THSD4: variants seen among roughly 807,000 people sequenced by gnomAD.
The protein encoded by THSD4 is thrombospondin type 1 domain containing 4.
In THSD4, 69 loss-of-function variants were observed where a neutral mutation model predicts 119.0. That is an observed-to-expected ratio of 0.58 (90% CI 0.48 to 0.71). The LOEUF is 0.71. Among genes scored for constraint, THSD4 ranks in the 30% least tolerant of loss-of-function variants. The pLI is 0.00. For missense variants in THSD4, 1,393 were observed against 1,391.1 expected (o/e 1.00, Z -0.02); for synonymous variants, 524 against 540.4 (o/e 0.97, Z 0.42).
At chr15:71,140,666 C>T (rs1463383455) in intron 1 of THSD4, among the ~76,000 whole-genome samples, 1 of 152,178 alleles carries the variant, frequency 6.6e-6, no homozygotes, top group African/African-American at 2.4e-5. Flanking sequence ...TAACAACCTG[C>T]AGGAGTTCTT....
chr15:71,600,504 C>G (rs2049986063), intron 7 of THSD4, among the ~76,000 whole-genome samples: 1 of 152,174 alleles, frequency 6.6e-6, no homozygotes, highest in South Asian at 2.1e-4. Flanking sequence ...ATATGAGGCA[C>G]TTTCTAAATA....
intron 6 of THSD4, among the ~76,000 whole-genome samples, chr15:71,354,527 C>T (rs1360260628): frequency 1.3e-5 from 2 of 152,184 alleles, no homozygotes; most frequent in East Asian, 1.9e-4. Flanking sequence ...CCTAAAAAGA[C>T]TCTTCCTTTA....
At chr15:71,492,547 A>G (rs901761640) in intron 7 of THSD4, among the ~76,000 whole-genome samples, 1 of 152,084 alleles carries the variant, frequency 6.6e-6, no homozygotes, top group African/African-American at 2.4e-5. Context: ...TCGGCCTCCC[A>G]AAGTGCTGGG....
At chr15:71,205,907 G>A (rs1186117134) in intron 3 of THSD4, among the ~76,000 whole-genome samples, 7 of 125,914 alleles carry the variant, frequency 5.6e-5, no homozygotes, top group African/African-American at 2.1e-4. Context: ...TTTGTTTGCT[G>A]TTGTCGCCCA....
intron 4 of THSD4, among the ~76,000 whole-genome samples, chr15:71,234,034 C>G (rs932739653): frequency 5.3e-5 from 8 of 152,292 alleles, no homozygotes; most frequent in African/African-American, 1.9e-4. Flanking sequence ...GTGGCTGCTG[C>G]TGAAATCTCT....
At chr15:71,356,330 C>T (rs772398550) in intron 6 of THSD4, among the ~76,000 whole-genome samples, 1 of 152,210 alleles carries the variant, frequency 6.6e-6, no homozygotes, top group Non-Finnish European at 1.5e-5. Context: ...CAGTCATTCC[C>T]TGTCTAGTCC....
At chr15:71,584,262 CTTTT>C (rs71154789) in intron 7 of THSD4, among the ~76,000 whole-genome samples, 259 of 61,838 alleles carry the variant, frequency 4.2e-3, no homozygotes, top group African/African-American at 0.018. Flanking sequence ...TTTTCACTTT[CTTTT>C]TTTTTTTTTT....
At chr15:71,451,541 G>C (rs949602788) in intron 7 of THSD4, among the ~76,000 whole-genome samples, 4 of 152,130 alleles carry the variant, frequency 2.6e-5, no homozygotes, top group Non-Finnish European at 4.4e-5. Flanking sequence ...CACCAAAGTG[G>C]CATATTTTGG....
chr15:71,427,019 C>T (rs1325861464), intron 7 of THSD4, among the ~76,000 whole-genome samples: 1 of 151,996 alleles, frequency 6.6e-6, no homozygotes, highest in African/African-American at 2.4e-5. Flanking sequence ...GTTCTTAGGA[C>T]CTCTTGAAAC....
intron 7 of THSD4, among the ~76,000 whole-genome samples, chr15:71,479,155 C>T: frequency 8.8e-6 from 1 of 113,324 alleles, no homozygotes; most frequent in African/African-American, 3.4e-5. Flanking sequence ...TCACTGGTGG[C>T]TTTTCTTTAC....
chr15:71,747,898 G>A (rs2053369823), intron 13 of THSD4, among the ~76,000 whole-genome samples: 1 of 152,154 alleles, frequency 6.6e-6, no homozygotes. Context: ...TTCTTCCCAG[G>A]CAACTTAGAA....
intron 7 of THSD4, among the ~76,000 whole-genome samples, chr15:71,494,079 A>T (rs1485104481): frequency 6.6e-6 from 1 of 152,176 alleles, no homozygotes; most frequent in Non-Finnish European, 1.5e-5. Flanking sequence ...AATTTGATTG[A>T]AGATTGTGAG....
chr15:71,461,158 C>G (rs1179672945), intron 7 of THSD4, among the ~76,000 whole-genome samples: 2 of 152,164 alleles, frequency 1.3e-5, no homozygotes, highest in Non-Finnish European at 2.9e-5. Flanking sequence ...CATCTGAAGG[C>G]TTAACTGGGG....
chr15:71,506,521 C>G (rs1455280531), intron 7 of THSD4, among the ~76,000 whole-genome samples: 1 of 152,238 alleles, frequency 6.6e-6, no homozygotes, highest in African/African-American at 2.4e-5. Context: ...AGGTGGCCTG[C>G]TTTGTCGAAC....
At chr15:71,344,314 A>T (rs2045626035) in intron 6 of THSD4, among the ~76,000 whole-genome samples, 2 of 151,386 alleles carry the variant, frequency 1.3e-5, no homozygotes, top group South Asian at 4.2e-4. Context: ...AAGTACTGGG[A>T]TTACAGGCGT....
chr15:71,497,594 A>C (rs1193779182), intron 7 of THSD4, among the ~76,000 whole-genome samples: 1 of 152,030 alleles, frequency 6.6e-6, no homozygotes, highest in Non-Finnish European at 1.5e-5. Flanking sequence ...TTTTAAAATA[A>C]ATTTATTTTG....
chr15:71,616,310 C>T lies in THSD4; in HGVS notation c.1153-44220C>T, dbSNP rs528023028. ...AAAAGTGAATCTAATTGTGGAATGT[C>T]TTAGTAGAAAGGTAGGGTTCTGAGC... On this transcript the variant is annotated intron_variant, in intron 7 of 17. Coordinates refer to ENST00000261862, the MANE Select transcript of THSD4 (RefSeq NM_024817.3). Among the ~76,000 whole-genome samples the T allele has an allele frequency of 1.3e-3, 193 of 152,258 alleles. 1 individual carries two copies. Among genetic ancestry groups the T allele is most frequent in the Non-Finnish European group, 2.5e-3 (169 of 68,012 alleles).
intron 1 of THSD4, among the ~76,000 whole-genome samples, chr15:71,129,796 C>T (rs2040486983): frequency 6.6e-6 from 1 of 152,156 alleles, no homozygotes; most frequent in East Asian, 1.9e-4. Flanking sequence ...AAATCATTGA[C>T]TAGATTTCTA....
intron 6 of THSD4, among the ~76,000 whole-genome samples, chr15:71,379,183 T>C (rs2046192535): frequency 6.6e-6 from 1 of 150,740 alleles, no homozygotes; most frequent in Non-Finnish European, 1.5e-5. Flanking sequence ...GGGGAGGGTT[T>C]CTTTAGCTTT....
Sources: allele counts gnomAD v4.1 joint callset (sites outside exome capture counted in the v4.1 genomes callset), GRCh38; gene constraint gnomAD v4.1.1; transcripts MANE v1.5; gene names NCBI Gene and HGNC (gene_info 2026-07-23, HGNC 2026-07-21).